TMTC2: variants seen among roughly 807,000 people sequenced by gnomAD.
The protein encoded by TMTC2 is protein O-mannosyl-transferase TMTC2.
Under a neutral mutation model 82.4 loss-of-function variants are expected in TMTC2, and 43 were observed. The ratio of observed to expected loss-of-function variants is 0.52; its 90% confidence interval spans 0.41 to 0.67. The LOEUF is 0.67. Ranked by LOEUF, TMTC2 falls within the 30% of genes least tolerant of loss-of-function variation. The pLI is 0.00. For missense variants in TMTC2, 919 were observed against 1,012.4 expected (o/e 0.91, Z 1.25); for synonymous variants, 408 against 381.9 (o/e 1.07, Z -0.80).
intron 1 of TMTC2, among the ~76,000 whole-genome samples, chr12:82,823,706 C>T (rs1869242840): frequency 6.6e-6 from 1 of 152,076 alleles, no homozygotes. Context: ...ATTATTTTTA[C>T]AGAAAAACCC....
intron 1 of TMTC2, among the ~76,000 whole-genome samples, chr12:82,722,290 C>T (rs1874241031): frequency 6.6e-6 from 1 of 151,584 alleles, no homozygotes; most frequent in East Asian, 1.9e-4. Flanking sequence ...CGCGGTGGCT[C>T]ACTCCTGTAA....
intron 11 of TMTC2, among the ~76,000 whole-genome samples, chr12:83,124,561 A>ACCT (rs1885047636): frequency 8.0e-6 from 1 of 125,256 alleles, no homozygotes; most frequent in Non-Finnish European, 1.6e-5. Flanking sequence ...AATTGTTGAA[A>ACCT]TCTTTTTTTT....
At chr12:82,876,060 GTGGTGGTGATGA>G (rs1247868575) in intron 2 of TMTC2, among the ~76,000 whole-genome samples, 6 of 117,876 alleles carry the variant, frequency 5.1e-5, no homozygotes, top group East Asian at 2.1e-4. Context: ...GGTGGTGGTG[GTGGTGGTGATGA>G]TGATGATGGT....
At chr12:83,018,905 T>C (rs1841394101) in intron 8 of TMTC2, among the ~76,000 whole-genome samples, 1 of 152,224 alleles carries the variant, frequency 6.6e-6, no homozygotes. Context: ...CATCTGGTCC[T>C]TGGATAAGTG....
intron 1 of TMTC2, among the ~76,000 whole-genome samples, chr12:82,692,161 G>A (rs1362048867): frequency 6.6e-6 from 1 of 152,120 alleles, no homozygotes; most frequent in Non-Finnish European, 1.5e-5. Context: ...ATGGACATGT[G>A]CAAATGCCAC....
At chr12:83,016,022 G>C (rs1000757258) in intron 8 of TMTC2, among the ~76,000 whole-genome samples, 1 of 152,158 alleles carries the variant, frequency 6.6e-6, no homozygotes, top group Admixed American at 6.5e-5. Flanking sequence ...GTTTTCTATA[G>C]ATCTTTCTTT....
intron 2 of TMTC2, among the ~76,000 whole-genome samples, chr12:82,861,432 A>G (rs2137121597): frequency 6.6e-6 from 1 of 152,352 alleles, no homozygotes; most frequent in South Asian, 2.1e-4. Context: ...TCTGTTAAAG[A>G]ATTTTGGTTA....
intron 9 of TMTC2, among the ~76,000 whole-genome samples, chr12:83,031,168 T>TCTAG (rs1215440307): frequency 6.6e-6 from 1 of 151,936 alleles, no homozygotes; most frequent in Non-Finnish European, 1.5e-5. Context: ...CAGGAAAGCA[T>TCTAG]CTAGCTCCTT....
At chr12:83,102,138 T>C (rs956172680) in intron 11 of TMTC2, among the ~76,000 whole-genome samples, 4 of 152,198 alleles carry the variant, frequency 2.6e-5, no homozygotes, top group African/African-American at 9.6e-5. Flanking sequence ...TGCCTGGGAA[T>C]GCATTTGCCC....
intron 7 of TMTC2, among the ~76,000 whole-genome samples, chr12:82,984,308 G>A (rs1243564776): frequency 6.6e-6 from 1 of 152,118 alleles, no homozygotes; most frequent in Non-Finnish European, 1.5e-5. Context: ...ATATGTGTGA[G>A]TGGGTAAAAA....
intron 11 of TMTC2, among the ~76,000 whole-genome samples, chr12:83,122,322 C>T (rs1434181258): frequency 6.6e-6 from 1 of 151,388 alleles, no homozygotes; most frequent in South Asian, 2.1e-4. Flanking sequence ...ATGTCCTCCC[C>T]CAAGTTCTGG....
At chr12:82,888,168 T>C (rs1172468999) in intron 2 of TMTC2, among the ~76,000 whole-genome samples, 1 of 152,224 alleles carries the variant, frequency 6.6e-6, no homozygotes, top group Non-Finnish European at 1.5e-5. Flanking sequence ...ATTAGGTGAA[T>C]TAAAACATGA....
At chr12:82,772,828 G>A (rs993783867) in intron 1 of TMTC2, among the ~76,000 whole-genome samples, 17 of 151,648 alleles carry the variant, frequency 1.1e-4, no homozygotes, top group Non-Finnish European at 1.8e-4. Flanking sequence ...GCTTTTTTTC[G>A]CTAATGATCT....
chr12:83,046,610 C>T (rs1322630457), intron 9 of TMTC2, among the ~76,000 whole-genome samples: 3 of 152,194 alleles, frequency 2.0e-5, no homozygotes, highest in African/African-American at 7.2e-5. Flanking sequence ...TATACCTGCA[C>T]TACCTGAGCC....
At chr12:82,971,169 C>T (rs1483559037) in intron 7 of TMTC2, among the ~76,000 whole-genome samples, 1 of 151,742 alleles carries the variant, frequency 6.6e-6, no homozygotes, top group Non-Finnish European at 1.5e-5. Context: ...CCAAATCTTA[C>T]AAAGTTCAGA....
intron 3 of TMTC2, among the ~76,000 whole-genome samples, chr12:82,898,617 C>T (rs1425648994): frequency 1.3e-5 from 2 of 152,176 alleles, no homozygotes; most frequent in African/African-American, 4.8e-5. Flanking sequence ...ATTCCCTTGC[C>T]ATCTCAGTGG....
intron 1 of TMTC2, among the ~76,000 whole-genome samples, chr12:82,720,771 T>C (rs1448117086): frequency 6.6e-6 from 1 of 152,224 alleles, no homozygotes; most frequent in Non-Finnish European, 1.5e-5. Context: ...TATCTCGTTG[T>C]TTTATGTTTT....
Position 82,687,649 on chromosome 12 carries a change from G to A in TMTC2, c.63G>A (p.Ala21=), listed in dbSNP as rs780434599. The change falls in exon 1 of 12, where the codon GCG becomes GCA. Residue 21 remains alanine, a synonymous_variant. Transcript: ENST00000321196. ...GLALYLNTLS[A]DFCYDDSRAI... ...CCTTGTATCTCAACACCCTGAGTGC[G>A]GATTTCTGCTATGATGACAGGTAAG... 5 of 1,604,802 alleles carry A rather than the reference G, an allele frequency of 3.1e-6. No homozygotes were observed. In the South Asian group the frequency reaches 4.5e-5, roughly 15 times the overall value.
chr12:82,758,162 A>G (rs747850430), intron 1 of TMTC2, among the ~76,000 whole-genome samples: 16 of 152,088 alleles, frequency 1.1e-4, no homozygotes, highest in Admixed American at 8.5e-4. Flanking sequence ...TTCTGTCTCT[A>G]CTATGAAAAT....
Sources: gnomAD v4.1 joint callset for allele counts (sites outside exome capture counted in the v4.1 genomes callset) on GRCh38, gnomAD v4.1.1 for gene constraint, MANE v1.5 for transcripts, NCBI Gene and HGNC (gene_info 2026-07-23, HGNC 2026-07-21) for gene names.